CNBD1: variants seen among roughly 807,000 people sequenced by gnomAD.
The protein encoded by CNBD1 is cyclic nucleotide-binding domain-containing protein 1.
Under a neutral mutation model 54.4 loss-of-function variants are expected in CNBD1, and 71 were observed. That is an observed-to-expected ratio of 1.30 (90% confidence interval 1.08 to 1.59). The LOEUF (loss-of-function observed/expected upper bound fraction) is 1.59. Among genes scored for constraint, CNBD1 ranks in the 40% most tolerant of loss-of-function variants. CNBD1 has a pLI of 0.00. For synonymous variants in CNBD1, 182 were observed against 170.7 expected (o/e 1.07, Z -0.51); for missense variants, 659 against 518.0 (o/e 1.27, Z -2.64).
intron 2 of CNBD1, among the ~76,000 whole-genome samples, chr8:87,406,924 G>C (rs1807662555): frequency 6.6e-6 from 1 of 152,010 alleles, no homozygotes; most frequent in Non-Finnish European, 1.5e-5. Context: ...TTATTTCAAA[G>C]TATTTTGTAA....
intron 6 of CNBD1, among the ~76,000 whole-genome samples, chr8:87,269,959 A>G (rs1808330416): frequency 6.6e-6 from 1 of 152,042 alleles, no homozygotes. Context: ...TAATGAATAA[A>G]GAAAACTTCA....
intron 1 of CNBD1, among the ~76,000 whole-genome samples, chr8:86,869,070 C>A (rs1225685753): frequency 6.6e-6 from 1 of 152,158 alleles, no homozygotes; most frequent in East Asian, 1.9e-4. Context: ...GAAATGGATT[C>A]TCCCCTAGCG....
intron 6 of CNBD1, among the ~76,000 whole-genome samples, chr8:87,241,340 G>A (rs940104753): frequency 2.2e-5 from 3 of 138,390 alleles, no homozygotes; most frequent in Admixed American, 7.8e-5. Flanking sequence ...GCGCGATCTC[G>A]GCTCACTGCA....
At chr8:87,372,051 C>T (rs983603744) in intron 10 of CNBD1, among the ~76,000 whole-genome samples, 1 of 151,876 alleles carries the variant, frequency 6.6e-6, no homozygotes, top group Admixed American at 6.6e-5. Context: ...TCAAATTGTC[C>T]CTGTTTGCAG....
chr8:87,007,631 T>G (rs73689989), intron 4 of CNBD1, among the ~76,000 whole-genome samples: 8,204 of 152,186 alleles, frequency 0.054, 731 homozygotes, highest in African/African-American at 0.19. Context: ...TTTAATTTTC[T>G]TTCAGCAGAT....
chr8:87,252,837 G>A (rs1807938240), intron 6 of CNBD1, among the ~76,000 whole-genome samples: 1 of 152,118 alleles, frequency 6.6e-6, no homozygotes, highest in African/African-American at 2.4e-5. Context: ...TCAGGGGTGG[G>A]ATGAGCTGCG....
At chr8:87,342,469 T>C (rs376299149) in intron 8 of CNBD1, among the ~76,000 whole-genome samples, 1 of 152,178 alleles carries the variant, frequency 6.6e-6, no homozygotes, top group African/African-American at 2.4e-5. Flanking sequence ...TTAGAAAATG[T>C]AATTATGTTA....
rs753003246 is a variant in CNBD1 at position 87,024,991 on chromosome 8, G to T, written c.431+85237G>T. Among the ~76,000 whole-genome samples the T allele has an allele frequency of 5.7e-4, 86 of 152,178 alleles. 1 individual carries two copies. Among genetic ancestry groups the T allele is most frequent in the Non-Finnish European group, 1.8e-4 (12 of 68,030 alleles). Reference sequence around the variant, plus strand: ...GACAAAGAGGCTAACATCTTTCTGTGTATATTAGGCCAAATTGTTGGGTGA... The same window carrying T: ...GACAAAGAGGCTAACATCTTTCTGTTTATATTAGGCCAAATTGTTGGGTGA... On this transcript the variant is annotated intron_variant, in intron 4 of 10. Coordinates refer to ENST00000518476, the MANE Select transcript of CNBD1 (RefSeq NM_173538.3).
intron 8 of CNBD1, among the ~76,000 whole-genome samples, chr8:87,292,208 C>G (rs1450724234): frequency 1.3e-5 from 2 of 152,078 alleles, no homozygotes; most frequent in Non-Finnish European, 2.9e-5. Flanking sequence ...TGCATCGTTG[C>G]AATAAATCAA....
chr8:87,302,323 G>T (rs897792222), intron 8 of CNBD1, among the ~76,000 whole-genome samples: 1 of 152,158 alleles, frequency 6.6e-6, no homozygotes, highest in Non-Finnish European at 1.5e-5. Context: ...GGGATGCAAG[G>T]CTGGTTCAAC....
chr8:87,426,436 A>T (rs1388542950), intron 2 of CNBD1, among the ~76,000 whole-genome samples: 1 of 152,208 alleles, frequency 6.6e-6, no homozygotes, highest in Non-Finnish European at 1.5e-5. Context: ...GCTAACATTT[A>T]TTATGACAAA....
rs1378293591 is a variant in CNBD1, at chr8:87,382,618, A to C, written c.1304-2A>C. 9 of 1,539,020 alleles carry C rather than the reference A, an allele frequency of 5.8e-6. No individual in the cohort carries two copies. Among genetic ancestry groups the C allele is most frequent in the Non-Finnish European group, 7.0e-6 (8 of 1,137,096 alleles). On this transcript the variant is annotated splice_acceptor_variant, in intron 10 of 10. Coordinates refer to ENST00000518476, the MANE Select transcript of CNBD1 (RefSeq NM_173538.3). LOFTEE classifies it high-confidence loss of function. ...TCTTGTTTGTTTGTTTGCCTTTTGCAGTGGCCTAGATCTAGAAACAACCTC... is the reference window on the plus strand; with the variant it reads ...TCTTGTTTGTTTGTTTGCCTTTTGCCGTGGCCTAGATCTAGAAACAACCTC...
intron 4 of CNBD1, among the ~76,000 whole-genome samples, chr8:87,087,402 G>A (rs1449526620): frequency 6.7e-6 from 1 of 149,914 alleles, no homozygotes; most frequent in East Asian, 2.0e-4. Flanking sequence ...ATATGAGAAA[G>A]CATTTTGTTG....
At chr8:87,301,268 A>T (rs1808983774) in intron 8 of CNBD1, among the ~76,000 whole-genome samples, 1 of 152,116 alleles carries the variant, frequency 6.6e-6, no homozygotes, top group Non-Finnish European at 1.5e-5. Flanking sequence ...TCTACCAAAC[A>T]TTCAAAGAAT....
Position 87,096,074 on chromosome 8 carries a change from C to T in CNBD1, c.432-109919C>T, listed in dbSNP as rs1323817976. On this transcript the variant is annotated intron_variant, in intron 4 of 10. Coordinates refer to ENST00000518476, the MANE Select transcript of CNBD1 (RefSeq NM_173538.3). ...TTCTCTGCCCCTGGAATCATCCTTACACTCTGAGGCATTCAGGCCTTTCCA... is the reference window on the plus strand; with the variant it reads ...TTCTCTGCCCCTGGAATCATCCTTATACTCTGAGGCATTCAGGCCTTTCCA... Among the ~76,000 whole-genome samples, 4 of 152,330 alleles carry T rather than the reference C, an allele frequency of 2.6e-5. No individual in the cohort carries two copies. The East Asian group carries it at 5.8e-4, about 22-fold the overall frequency.
chr8:87,306,201 C>G (rs898606269), intron 8 of CNBD1, among the ~76,000 whole-genome samples: 2 of 152,042 alleles, frequency 1.3e-5, no homozygotes, highest in Admixed American at 6.6e-5. Context: ...AACTTCAATG[C>G]GATACCACCT....
chr8:87,023,748 G>A (rs941329617), intron 4 of CNBD1, among the ~76,000 whole-genome samples: 4 of 152,262 alleles, frequency 2.6e-5, no homozygotes, highest in African/African-American at 7.2e-5. Context: ...CTTTGTTAGT[G>A]TGGCTGGATG....
chr8:87,224,990 A>G (rs2130813013), intron 5 of CNBD1, among the ~76,000 whole-genome samples: 1 of 152,054 alleles, frequency 6.6e-6, no homozygotes, highest in South Asian at 2.1e-4. Flanking sequence ...TGGGTATTTT[A>G]TTCTCTTTGA....
intron 8 of CNBD1, among the ~76,000 whole-genome samples, chr8:87,324,259 AT>A (rs1809613251): frequency 8.0e-6 from 1 of 125,262 alleles, no homozygotes; most frequent in Non-Finnish European, 1.8e-5. Context: ...TTGATCTAAA[AT>A]TCTCTTTTTT....
Sources: gnomAD v4.1 joint callset for allele counts (sites outside exome capture counted in the v4.1 genomes callset) on GRCh38, gnomAD v4.1.1 for gene constraint, MANE v1.5 for transcripts, NCBI Gene and HGNC (gene_info 2026-07-23, HGNC 2026-07-21) for gene names.